Variants in ENPP3 observed in about 807,000 individuals in gnomAD.
The protein encoded by ENPP3 is ectonucleotide pyrophosphatase/phosphodiesterase family member 3.
ENPP3 carries 104 observed loss-of-function variants against 117.8 expected under a neutral mutation model. The ratio of observed to expected loss-of-function variants is 0.88; its 90% CI spans 0.75 to 1.04. The LOEUF (loss-of-function observed/expected upper bound fraction) is 1.04, where lower values mean the gene tolerates loss of function less well. Among genes scored for constraint, ENPP3 ranks in the 50% least tolerant of loss-of-function variants. ENPP3 has a pLI of 0.00. For missense variants in ENPP3, 1,026 were observed against 1,051.9 expected (o/e 0.98, Z 0.34); for synonymous variants, 380 against 349.9 (o/e 1.09, Z -0.96).
chr6:131,746,780 T>G lies in ENPP3; in HGVS notation c.2458-6T>G, dbSNP rs200157316. The G allele has an allele frequency of 9.9e-5, 158 of 1,591,592 alleles. No individual in the cohort carries two copies. Among genetic ancestry groups the G allele is most frequent in the Non-Finnish European group, 1.3e-4 (153 of 1,173,474 alleles). On this transcript the variant is annotated splice_region_variant and splice_polypyrimidine_tract_variant and intron_variant, in intron 24 of 24. Coordinates refer to ENST00000357639, the MANE Select transcript of ENPP3 (RefSeq NM_005021.5). ...AAAAAAAAAGTGTTGTGCTTTTCTT[T>G]TTCAGGAAGGTAAACCAGAAGCTCT...
intron 15 of ENPP3, among the ~76,000 whole-genome samples, chr6:131,706,023 A>ATTATT (rs1183516159): frequency 9.0e-5 from 12 of 133,648 alleles, no homozygotes; most frequent in Non-Finnish European, 1.7e-4. Flanking sequence ...ACTTTTTGTC[A>ATTATT]TTATTTTATT....
chr6:131,746,718 T>C, intron 24 of ENPP3, 68 bp from the exon 25 acceptor site: 1 of 1,413,512 alleles, frequency 7.1e-7, no homozygotes, highest in East Asian at 2.3e-5. Flanking sequence ...TTCTAAGCAA[T>C]AAAAATATTT....
intron 10 of ENPP3, 47 bp from the exon 11 acceptor site, chr6:131,677,821 G>A: frequency 7.9e-7 from 1 of 1,269,894 alleles, no homozygotes; most frequent in South Asian, 1.2e-5. Flanking sequence ...CAGCCTGTAT[G>A]TTTATAGCAA....
Position 131,685,482 on chromosome 6 carries a change from T to C in ENPP3, c.1239T>C (p.His413=), listed in dbSNP as rs1301874204. Residue 413 remains histidine (H), a synonymous_variant, in exon 13 of 25, where the codon CAT becomes CAC. Transcript: ENST00000357639. The part of the protein sequence containing the change: ...APRIRAHNIP[H]DFFSFNSEEI... ...GCATCCGAGCTCATAATATACCTCA[T>C]GACTTTTTTAGTTGTAAGTATGAAG... 3.1e-6 allele frequency: 5 copies of C among 1,613,660 alleles called. No homozygotes were observed. The highest frequency in any genetic ancestry group is 1.1e-5 in the South Asian group (1 of 90,948).
At chr6:131,720,705 C>T (rs375946787) in intron 17 of ENPP3, among the ~76,000 whole-genome samples, 1 of 152,150 alleles carries the variant, frequency 6.6e-6, no homozygotes, top group Non-Finnish European at 1.5e-5. Flanking sequence ...TCTCAGCTTC[C>T]CAAGTAGCTG....
chr6:131,734,265 T>A (rs1780348732), intron 21 of ENPP3, among the ~76,000 whole-genome samples: 2 of 152,050 alleles, frequency 1.3e-5, no homozygotes, highest in Non-Finnish European at 2.9e-5. Context: ...CAAATGAAAT[T>A]TAAGTTTTTG....
At chr6:131,656,063 TG>T in intron 5 of ENPP3, among the ~76,000 whole-genome samples, 1 of 152,352 alleles carries the variant, frequency 6.6e-6, no homozygotes, top group East Asian at 1.9e-4. Context: ...TCTCTTTGCC[TG>T]TTTGCCTTAC....
At chr6:131,681,666 C>A (rs1779026651) in intron 11 of ENPP3, among the ~76,000 whole-genome samples, 1 of 152,174 alleles carries the variant, frequency 6.6e-6, no homozygotes, top group African/African-American at 2.4e-5. Flanking sequence ...TATTTAGAGA[C>A]AACCACTGTC....
chr6:131,690,220 G>A (rs879289189), intron 14 of ENPP3, among the ~76,000 whole-genome samples: 24 of 152,270 alleles, frequency 1.6e-4, no homozygotes, highest in African/African-American at 5.8e-4. Context: ...TCTACTGTGG[G>A]TAAAATGTTA....
intron 11 of ENPP3, among the ~76,000 whole-genome samples, chr6:131,679,681 CTCCTCTGA>C (rs1778981746): frequency 1.3e-5 from 2 of 151,920 alleles, no homozygotes; most frequent in African/African-American, 4.8e-5. Context: ...TTAGGAGACT[CTCCTCTGA>C]GTGACAAAAA....
chr6:131,637,747 C>G (rs1010180779), intron 1 of ENPP3, among the ~76,000 whole-genome samples: 2 of 152,094 alleles, frequency 1.3e-5, no homozygotes, highest in African/African-American at 4.8e-5. Flanking sequence ...ATAACTACCT[C>G]TCAATCACTT....
intron 8 of ENPP3, 64 bp downstream of exon 8, chr6:131,674,345 C>A: frequency 6.6e-7 from 1 of 1,516,742 alleles, no homozygotes; most frequent in Non-Finnish European, 9.2e-7. Flanking sequence ...CAGGAGGACA[C>A]TCTTCTCACT....
chr6:131,743,424 T>C (rs1235401503), intron 24 of ENPP3, among the ~76,000 whole-genome samples: 1 of 152,076 alleles, frequency 6.6e-6, no homozygotes, highest in African/African-American at 2.4e-5. Context: ...TCACCTCCTT[T>C]TATGAAGTTT....
At chr6:131,745,791 G>C (rs1780623880) in intron 24 of ENPP3, among the ~76,000 whole-genome samples, 1 of 152,132 alleles carries the variant, frequency 6.6e-6, no homozygotes, top group South Asian at 2.1e-4. Flanking sequence ...AAGACTTTGA[G>C]GAGTGCTAGG....
chr6:131,720,714 T>C (rs1053250780), intron 17 of ENPP3, among the ~76,000 whole-genome samples: 11 of 152,200 alleles, frequency 7.2e-5, no homozygotes, highest in Admixed American at 7.2e-4. Flanking sequence ...CCCAAGTAGC[T>C]GGGATTACAG....
intron 2 of ENPP3, among the ~76,000 whole-genome samples, chr6:131,645,031 T>C (rs113463526): frequency 1.2e-4 from 18 of 152,336 alleles, no homozygotes; most frequent in African/African-American, 3.8e-4. Flanking sequence ...TTGAGACCCA[T>C]CAGAATTGCC....
At chr6:131,740,510 T>G (rs1215724560) in intron 24 of ENPP3, 130 bp downstream of exon 24, 1 of 584,896 alleles carries the variant, frequency 1.7e-6, no homozygotes, top group Non-Finnish European at 2.8e-6. Context: ...CACAAATGAC[T>G]TCATTTTTAG....
At chr6:131,727,071 C>T (rs1585723976) in intron 20 of ENPP3, among the ~76,000 whole-genome samples, 2 of 152,184 alleles carry the variant, frequency 1.3e-5, no homozygotes, top group East Asian at 3.9e-4. Context: ...GTAGATGGAA[C>T]AATATATCTG....
chr6:131,683,298 G>T, intron 12 of ENPP3, 136 bp downstream of exon 12: 1 of 582,982 alleles, frequency 1.7e-6, no homozygotes. Context: ...GGAATGAATT[G>T]TGGTAGAATG....
Sources: gnomAD v4.1 joint callset for allele counts (sites outside exome capture counted in the v4.1 genomes callset) on GRCh38, gnomAD v4.1.1 for gene constraint, MANE v1.5 for transcripts, NCBI Gene and HGNC (gene_info 2026-07-23, HGNC 2026-07-21) for gene names.